Variants in IL1RAPL1 observed in about 807,000 individuals in gnomAD.
The protein encoded by IL1RAPL1 is interleukin 1 receptor accessory protein like 1.
Under a neutral mutation model 48.4 loss-of-function variants are expected in IL1RAPL1, and 3 were observed. The observed-to-expected ratio is 0.06, with a 90% CI of 0.03 to 0.16. IL1RAPL1 has a LOEUF of 0.16. Among genes scored for constraint, IL1RAPL1 ranks in the 10% least tolerant of loss-of-function variants. IL1RAPL1 has a pLI of 1.00. For missense variants in IL1RAPL1, 349 were observed against 530.6 expected, an observed-to-expected ratio of 0.66 and a Z score of 3.36; for synonymous variants, 185 against 187.7, an observed-to-expected ratio of 0.99 and a Z score of 0.12.
intron 3 of IL1RAPL1, among the ~76,000 whole-genome samples, chrX:29,365,618 G>A (rs191645704): frequency 2.0e-3 from 222 of 111,451 alleles, no homozygotes; most frequent in Middle Eastern, 4.7e-3. Flanking sequence ...CCGGGAGGTC[G>A]AGGCTGCAGT....
chrX:29,803,055 A>ATG (rs1491502345), intron 6 of IL1RAPL1, among the ~76,000 whole-genome samples: 2 of 56,511 alleles, frequency 3.5e-5, no homozygotes, highest in Non-Finnish European at 6.6e-5. Flanking sequence ...ATATGTGTAC[A>ATG]TATATATGTA....
At chrX:29,132,847 G>A (rs941042248) in intron 2 of IL1RAPL1, among the ~76,000 whole-genome samples, 2 of 110,749 alleles carry the variant, frequency 1.8e-5, no homozygotes, top group Non-Finnish European at 3.8e-5. Context: ...TTTGCTGAGT[G>A]CATTTACTCG....
chrX:28,740,017 A>AT (rs1326511945), intron 1 of IL1RAPL1, among the ~76,000 whole-genome samples: 2 of 111,006 alleles, frequency 1.8e-5, no homozygotes, highest in Non-Finnish European at 3.8e-5. Context: ...AGTTTATGGC[A>AT]TAAAAAGTTG....
At chrX:29,855,725 T>TA (rs1384008565) in intron 6 of IL1RAPL1, among the ~76,000 whole-genome samples, 2 of 110,760 alleles carry the variant, frequency 1.8e-5, no homozygotes, top group African/African-American at 6.6e-5. Context: ...TTGGGTTTTT[T>TA]TTTTCAACAT....
chrX:29,139,476 C>A (rs1274707321), intron 2 of IL1RAPL1, among the ~76,000 whole-genome samples: 1 of 111,022 alleles, frequency 9.0e-6, no homozygotes, highest in African/African-American at 3.3e-5. Context: ...TTTAGCCTAC[C>A]TTTACCTTAA....
At chrX:29,700,824 A>G (rs1927030785) in intron 6 of IL1RAPL1, among the ~76,000 whole-genome samples, 1 of 112,372 alleles carries the variant, frequency 8.9e-6, no homozygotes, top group Non-Finnish European at 1.9e-5. Flanking sequence ...CTAAAAAAAT[A>G]CCAAATAAAT....
intron 2 of IL1RAPL1, among the ~76,000 whole-genome samples, chrX:29,126,082 A>C (rs768053561): frequency 1.6e-3 from 179 of 110,870 alleles, no homozygotes; most frequent in Non-Finnish European, 2.8e-3. Context: ...ACATATATTA[A>C]ATTTTCAAAT....
intron 1 of IL1RAPL1, among the ~76,000 whole-genome samples, chrX:28,714,833 G>A (rs1490778651): frequency 8.9e-6 from 1 of 111,872 alleles, no homozygotes; most frequent in Non-Finnish European, 1.9e-5. Context: ...GCCTTGTATT[G>A]TGCATGGTCC....
chrX:28,957,392 A>G (rs4893557), intron 2 of IL1RAPL1, among the ~76,000 whole-genome samples: 2,024 of 112,093 alleles, frequency 0.018, 25 homozygotes, highest in Non-Finnish European at 0.027. Flanking sequence ...CCATTTAATG[A>G]TAACTAAATT....
At chrX:29,476,458 G>A (rs375666166) in intron 5 of IL1RAPL1, among the ~76,000 whole-genome samples, 132 of 111,176 alleles carry the variant, frequency 1.2e-3, no homozygotes, top group Non-Finnish European at 1.9e-3. Context: ...CATTATTGTC[G>A]TGTATTTATG....
intron 6 of IL1RAPL1, among the ~76,000 whole-genome samples, chrX:29,767,047 C>T (rs1424414696): frequency 2.7e-5 from 3 of 110,846 alleles, no homozygotes; most frequent in African/African-American, 6.5e-5. Context: ...AAGAGCCATA[C>T]AATACATTCC....
chrX:29,838,478 T>C (rs1389923586), intron 6 of IL1RAPL1, among the ~76,000 whole-genome samples: 1 of 112,149 alleles, frequency 8.9e-6, no homozygotes, highest in Non-Finnish European at 1.9e-5. Context: ...CTCATAAGCC[T>C]ATTGGATTAA....
chrX:29,308,777 A>G (rs762763616), intron 3 of IL1RAPL1, among the ~76,000 whole-genome samples: 4 of 112,268 alleles, frequency 3.6e-5, no homozygotes, highest in Non-Finnish European at 7.5e-5. Flanking sequence ...TGATCAATAG[A>G]AAACATTGTC....
intron 6 of IL1RAPL1, among the ~76,000 whole-genome samples, chrX:29,812,040 C>T (rs566061202): frequency 9.0e-5 from 10 of 111,469 alleles, no homozygotes; most frequent in South Asian, 7.6e-4. Context: ...TAAGAAGAAA[C>T]GCTTAGAAGC....
chrX:29,781,888 G>A (rs772228169), intron 6 of IL1RAPL1, among the ~76,000 whole-genome samples: 10 of 111,048 alleles, frequency 9.0e-5, no homozygotes, highest in Non-Finnish European at 1.7e-4. Context: ...CCTTTGGAAG[G>A]GATTTTTCCT....
intron 1 of IL1RAPL1, among the ~76,000 whole-genome samples, chrX:28,646,262 A>G (rs1934608303): frequency 8.9e-6 from 1 of 111,888 alleles, no homozygotes; most frequent in Non-Finnish European, 1.9e-5. Context: ...TCATACACCT[A>G]TGAGAATGTA....
chrX:28,731,644 C>G (rs986216525), intron 1 of IL1RAPL1, among the ~76,000 whole-genome samples: 2 of 110,978 alleles, frequency 1.8e-5, no homozygotes, highest in Non-Finnish European at 3.8e-5. Flanking sequence ...AGGCAAAGTC[C>G]TAGATCAAGA....
chrX:29,559,677 AT>A (rs768334360), intron 5 of IL1RAPL1, among the ~76,000 whole-genome samples: 125 of 107,771 alleles, frequency 1.2e-3, no homozygotes, highest in African/African-American at 3.7e-3. Context: ...GTATCTACTA[AT>A]TTTTTTTTTC....
chrX:28,610,635 G>A (rs1306133238), intron 1 of IL1RAPL1, among the ~76,000 whole-genome samples: 1 of 111,825 alleles, frequency 8.9e-6, no homozygotes, highest in Non-Finnish European at 1.9e-5. Context: ...TAATTGCCTA[G>A]TAAGAATCTG....
Sources: gnomAD v4.1 joint callset for allele counts (sites outside exome capture counted in the v4.1 genomes callset) on GRCh38, gnomAD v4.1.1 for gene constraint, MANE v1.5 for transcripts, NCBI Gene and HGNC (gene_info 2026-07-23, HGNC 2026-07-21) for gene names.